The following TMEM62 variants were observed in gnomAD, a reference collection of about 807,000 sequenced individuals.
TMEM62 encodes transmembrane protein 62.
TMEM62 carries 41 observed loss-of-function variants against 70.4 expected under a neutral mutation model. The ratio of observed to expected loss-of-function variants is 0.58; its 90% CI spans 0.45 to 0.76. The LOEUF (loss-of-function observed/expected upper bound fraction) is 0.76, where lower values mean the gene tolerates loss of function less well. Ranked by LOEUF, TMEM62 falls within the 30% of genes least tolerant of loss-of-function variation. TMEM62 has a pLI of 0.00. For synonymous variants in TMEM62, 268 were observed against 291.0 expected (o/e 0.92, Z 0.80); for missense variants, 688 against 788.5 (o/e 0.87, Z 1.53).
At chr15:43,171,974 GAAGT>G (rs2040247200) in intron 11 of TMEM62, among the ~76,000 whole-genome samples, 1 of 151,980 alleles carries the variant, frequency 6.6e-6, no homozygotes, top group African/African-American at 2.4e-5. Context: ...GGTTACTCTG[GAAGT>G]AAGTAATTTT....
At chr15:43,141,398 C>T (rs1355657156) in intron 4 of TMEM62, among the ~76,000 whole-genome samples, 1 of 152,206 alleles carries the variant, frequency 6.6e-6, no homozygotes, top group Non-Finnish European at 1.5e-5. Context: ...ATAATAATAG[C>T]ACATCTCTTT....
chr15:43,139,041 TGA>T (rs1324295996), intron 4 of TMEM62, among the ~76,000 whole-genome samples: 1 of 152,232 alleles, frequency 6.6e-6, no homozygotes, highest in East Asian at 1.9e-4. Context: ...TTTTTCAAAT[TGA>T]GAGTTTGTGG....
At chr15:43,151,321 A>G (rs1259397059) in intron 7 of TMEM62, among the ~76,000 whole-genome samples, 12 of 142,818 alleles carry the variant, frequency 8.4e-5, no homozygotes, top group Admixed American at 3.4e-4. Flanking sequence ...AAAAATAAGA[A>G]AAAAAAAAAA....
chr15:43,169,783 GC>G (rs2039994601), intron 11 of TMEM62, 106 bp downstream of exon 11: 2 of 916,980 alleles, frequency 2.2e-6, no homozygotes, highest in Admixed American at 2.6e-5. Flanking sequence ...AATGACCATG[GC>G]CCAGGGAAAA....
In TMEM62 at chr15:43,184,766, T is replaced by G. The variant is rs990403688; in HGVS notation, c.*180T>G. 4.3e-5 allele frequency: 26 copies of G among 601,218 alleles called. No homozygotes were observed. Among genetic ancestry groups the G allele is most frequent in the Non-Finnish European group, 2.3e-5 (8 of 341,664 alleles). The allele number at this position is 601,218 out of a possible 1,614,324, so 37.2% of individuals were successfully genotyped here. On this transcript the variant is annotated 3_prime_UTR_variant, in exon 14 of 14. Transcript: ENST00000260403. ...CACTACTGATACCTGCAGAATGGAC[T>G]GCAGAAAAGTCTCAAAAATAATGCC... is the stretch of plus-strand genomic sequence containing the variant.
At chr15:43,171,614 C>CTTTTT (rs751979920) in intron 11 of TMEM62, among the ~76,000 whole-genome samples, 107 of 114,958 alleles carry the variant, frequency 9.3e-4, no homozygotes, top group African/African-American at 1.6e-3. Flanking sequence ...TTAATAAAAA[C>CTTTTT]TTTTTTTTTT....
intron 4 of TMEM62, among the ~76,000 whole-genome samples, chr15:43,142,596 CA>C (rs2036183874): frequency 6.6e-6 from 1 of 152,158 alleles, no homozygotes; most frequent in South Asian, 2.1e-4. Context: ...CAAGACCCTC[CA>C]CCAGTAAAAA....
rs990995985 is a variant in TMEM62 at position 43,143,218 on chromosome 15, T to C, written c.477-3275T>C. 4.3e-4 allele frequency among the ~76,000 whole-genome samples: 66 copies of C among 152,160 alleles called. 2 individuals carry two copies. Among genetic ancestry groups the C allele is most frequent in the Non-Finnish European group, 1.5e-5 (1 of 68,036 alleles). On this transcript the variant is annotated intron_variant, in intron 4 of 13. Transcript: ENST00000260403. ...CTGGGACTACAGGCATGTGCCACCA[T>C]GCCTGGATAATTTTTGTATTTTTAG...
chr15:43,165,891 T>A (rs912534922), intron 10 of TMEM62, among the ~76,000 whole-genome samples: 4 of 152,234 alleles, frequency 2.6e-5, no homozygotes, highest in Non-Finnish European at 5.9e-5. Context: ...TTCACATAAC[T>A]CTGTCACTCC....
At chr15:43,134,814 T>A (rs28539201) in intron 2 of TMEM62, among the ~76,000 whole-genome samples, 2,436 of 152,342 alleles carry the variant, frequency 0.016, 76 homozygotes, top group African/African-American at 0.056. Context: ...CAGGGCACTT[T>A]TTCTTCATCC....
chr15:43,164,742 G>C (rs2141894125), intron 10 of TMEM62, among the ~76,000 whole-genome samples: 1 of 152,248 alleles, frequency 6.6e-6, no homozygotes, highest in South Asian at 2.1e-4. Flanking sequence ...TGGTGTTGAT[G>C]AAATCCCTCA....
intron 7 of TMEM62, among the ~76,000 whole-genome samples, chr15:43,150,598 T>C (rs1358643566): frequency 6.6e-6 from 1 of 152,242 alleles, no homozygotes; most frequent in Non-Finnish European, 1.5e-5. Context: ...TCCAGAAATA[T>C]CAGTGGCTTA....
intron 11 of TMEM62, among the ~76,000 whole-genome samples, chr15:43,170,561 T>G (rs2040075369): frequency 6.7e-6 from 1 of 150,166 alleles, no homozygotes; most frequent in Non-Finnish European, 1.5e-5. Context: ...AGCTCAGTTT[T>G]CCTAAGAAAT....
At chr15:43,162,089 T>G (rs1189829415) in intron 10 of TMEM62, among the ~76,000 whole-genome samples, 2 of 152,192 alleles carry the variant, frequency 1.3e-5, no homozygotes. Flanking sequence ...CAATTTATAT[T>G]ATAACATATT....
chr15:43,149,674 G>A (rs751471315), intron 7 of TMEM62, among the ~76,000 whole-genome samples: 4 of 151,884 alleles, frequency 2.6e-5, no homozygotes, highest in South Asian at 2.1e-4. Context: ...CACCCGCCTC[G>A]GCCTCCCAAA....
chr15:43,163,725 T>C (rs1280031883), intron 10 of TMEM62, among the ~76,000 whole-genome samples: 2 of 151,506 alleles, frequency 1.3e-5, no homozygotes, highest in Non-Finnish European at 2.9e-5. Context: ...GAGCTTGCAG[T>C]GAGCCAAGAT....
intron 11 of TMEM62, among the ~76,000 whole-genome samples, chr15:43,175,700 C>G (rs1452509171): frequency 6.6e-6 from 1 of 152,332 alleles, no homozygotes; most frequent in Middle Eastern, 3.4e-3. Flanking sequence ...AAAGCGCTGG[C>G]AGCCAAGATG....
intron 12 of TMEM62, among the ~76,000 whole-genome samples, chr15:43,180,321 C>T (rs530711175): frequency 2.6e-5 from 4 of 152,314 alleles, no homozygotes; most frequent in African/African-American, 7.2e-5. Flanking sequence ...CAGGATTTCA[C>T]CATGTTGGCC....
At chr15:43,152,899 A>C (rs2037574150) in intron 8 of TMEM62, among the ~76,000 whole-genome samples, 2 of 152,188 alleles carry the variant, frequency 1.3e-5, no homozygotes, top group Admixed American at 1.3e-4. Flanking sequence ...TAATAGAACT[A>C]TTATTAGCAC....
Sources: gnomAD v4.1 joint callset for allele counts (sites outside exome capture counted in the v4.1 genomes callset) on GRCh38, gnomAD v4.1.1 for gene constraint, MANE v1.5 for transcripts, NCBI Gene and HGNC (gene_info 2026-07-23, HGNC 2026-07-21) for gene names.